Variants in ERC1 observed in about 807,000 individuals in gnomAD.
The protein encoded by ERC1 is RAB6 interacting protein 2.
A neutral mutation model predicts 132.0 loss-of-function variants in ERC1; 56 were observed. That is an observed-to-expected ratio of 0.42 (90% confidence interval 0.34 to 0.53). The LOEUF is 0.53. Among genes scored for constraint, ERC1 ranks in the 20% least tolerant of loss-of-function variants. ERC1 has a pLI of 0.03. For synonymous variants in ERC1, 478 were observed against 476.1 expected (o/e 1.00, Z -0.05); for missense variants, 1,202 against 1,349.9 (o/e 0.89, Z 1.72).
intron 2 of ERC1, among the ~76,000 whole-genome samples, chr12:1,041,072 A>G (rs973801719): frequency 2.0e-5 from 3 of 152,184 alleles, no homozygotes; most frequent in Admixed American, 6.5e-5. Flanking sequence ...TATGTAGGTT[A>G]TATCTACCAA....
intron 13 of ERC1, among the ~76,000 whole-genome samples, chr12:1,256,269 G>A (rs545696486): frequency 2.3e-5 from 3 of 131,374 alleles, no homozygotes; most frequent in Admixed American, 7.5e-5. Flanking sequence ...ATTAGACTCT[G>A]TTTTTGCCTT....
intron 12 of ERC1, among the ~76,000 whole-genome samples, chr12:1,233,306 A>G (rs11836500): frequency 0.053 from 8,077 of 151,972 alleles, 458 homozygotes; most frequent in African/African-American, 0.15. Flanking sequence ...CCCCTTCTCT[A>G]CTAAAAATAC....
Position 1,112,218 on chromosome 12 carries a change from G to A in ERC1, c.1321G>A (p.Glu441Lys). 23 of 1,608,116 alleles carry A rather than the reference G, an allele frequency of 1.4e-5. No individual in the cohort carries two copies. The highest frequency in any genetic ancestry group is 1.9e-5 in the Non-Finnish European group (22 of 1,175,288). ...SHSKFMKNKVEQLKEELSSKE... is the reference protein window; with the variant it reads ...SHSKFMKNKVKQLKEELSSKE... Reference sequence around the variant, plus strand: ...AAGAATAATAATGTCGTGACAGGTAGAACAACTGAAGGAGGAACTAAGTTC... The same window carrying A: ...AAGAATAATAATGTCGTGACAGGTAAAACAACTGAAGGAGGAACTAAGTTC... The change falls in exon 6 of 19, where the codon GAA becomes AAA. Residue 441 changes from glutamate (E) to lysine (K), a missense_variant. Glu to Lys is a moderately conservative substitution (Grantham distance 56). Coordinates refer to ENST00000360905, the MANE Select transcript of ERC1 (RefSeq NM_178040.4).
At chr12:1,441,639 GC>G (rs1431662575) in intron 17 of ERC1, among the ~76,000 whole-genome samples, 4 of 152,094 alleles carry the variant, frequency 2.6e-5, no homozygotes. Flanking sequence ...CCACAAACAT[GC>G]GCGTGTGCAC....
chr12:1,100,988 G>C (rs1944594880), intron 3 of ERC1, among the ~76,000 whole-genome samples: 1 of 152,122 alleles, frequency 6.6e-6, no homozygotes, highest in African/African-American at 2.4e-5. Flanking sequence ...TACCTTGAAA[G>C]CCAAGGAAAG....
chr12:1,196,039 A>T (rs902871896), intron 12 of ERC1, among the ~76,000 whole-genome samples: 54 of 152,220 alleles, frequency 3.5e-4, no homozygotes, highest in African/African-American at 1.2e-3. Flanking sequence ...ATCAAAAAAT[A>T]ATTTCCCTAG....
Position 1,110,357 on chromosome 12 carries a change from T to C in ERC1, c.1317+10T>C. The stretch of plus-strand genomic sequence containing the variant: ...ATTTATGAAAAATAAGGTAATGGCA[T>C]GTGAGACTTTTGATTCTTAAAAGGA... On this transcript the variant is annotated intron_variant, in intron 5 of 18. Transcript: ENST00000360905. 1 of 1,581,322 alleles carries C rather than the reference T, an allele frequency of 6.3e-7. No homozygotes were observed. Among genetic ancestry groups the C allele is most frequent in the South Asian group, 1.2e-5 (1 of 84,930 alleles).
At chr12:1,233,834 C>T (rs1332153335) in intron 12 of ERC1, among the ~76,000 whole-genome samples, 1 of 152,036 alleles carries the variant, frequency 6.6e-6, no homozygotes, top group Non-Finnish European at 1.5e-5. Flanking sequence ...ACAATAAGCA[C>T]AATGTATGGG....
intron 8 of ERC1, among the ~76,000 whole-genome samples, chr12:1,150,821 C>T (rs1345151634): frequency 6.6e-6 from 1 of 152,138 alleles, no homozygotes; most frequent in Non-Finnish European, 1.5e-5. Flanking sequence ...GAAACTGTCA[C>T]AGCCAAGAAG....
intron 2 of ERC1, among the ~76,000 whole-genome samples, chr12:1,056,486 A>G (rs1972993311): frequency 6.6e-6 from 1 of 152,160 alleles, no homozygotes; most frequent in Admixed American, 6.5e-5. Flanking sequence ...AAGGGGTTTT[A>G]TAGATAAGCT....
At chr12:1,325,028 C>G (rs1290610567) in intron 15 of ERC1, among the ~76,000 whole-genome samples, 1 of 152,028 alleles carries the variant, frequency 6.6e-6, no homozygotes, top group Non-Finnish European at 1.5e-5. Context: ...TTTAAAGTCT[C>G]TGAACTTTAA....
intron 15 of ERC1, among the ~76,000 whole-genome samples, chr12:1,298,542 C>CAAAAAAAAAAAAAAAAA (rs759796167): frequency 1.3e-5 from 1 of 74,798 alleles, no homozygotes; most frequent in African/African-American, 4.4e-5. Flanking sequence ...GACTCTGTCA[C>CAAAAAAAAAAAAAAAAA]AAAAAAAAAA....
intron 12 of ERC1, among the ~76,000 whole-genome samples, chr12:1,235,980 T>TA (rs1366496760): frequency 6.6e-6 from 1 of 152,058 alleles, no homozygotes; most frequent in Non-Finnish European, 1.5e-5. Context: ...TGGAGAAGAT[T>TA]AAAAGATACA....
chr12:1,471,125 C>G (rs1442520137), intron 18 of ERC1, among the ~76,000 whole-genome samples: 1 of 152,064 alleles, frequency 6.6e-6, no homozygotes, highest in Non-Finnish European at 1.5e-5. Context: ...GGTATAACAC[C>G]CACATCAAGA....
chr12:1,362,376 A>T (rs2086211910), intron 15 of ERC1, among the ~76,000 whole-genome samples: 1 of 152,150 alleles, frequency 6.6e-6, no homozygotes, highest in Non-Finnish European at 1.5e-5. Context: ...GGCACTCGCC[A>T]GCTCTGCCTT....
intron 1 of ERC1, among the ~76,000 whole-genome samples, chr12:1,017,007 A>AT (rs1965630255): frequency 2.1e-5 from 3 of 144,070 alleles, no homozygotes; most frequent in South Asian, 4.4e-4. Flanking sequence ...TTTATTTATT[A>AT]TTTTTTTGAG....
Position 1,272,946 on chromosome 12 carries a change from TAAAA to T in ERC1, c.2619+9804_2619+9807del, listed in dbSNP as rs56750908. ...CTCAGTGATAGAGTGAGACTCCGTCTAAAAAAAAAAAAAAAAAAAAAAAAAACCT... is the reference window on the plus strand; with the variant it reads ...CTCAGTGATAGAGTGAGACTCCGTCTAAAAAAAAAAAAAAAAAAAAAACCT... On this transcript the variant is annotated intron_variant, in intron 14 of 18. Transcript: ENST00000360905. Among the ~76,000 whole-genome samples the T allele has an allele frequency of 2.3e-3, 200 of 87,766 alleles. 1 individual carries two copies. The highest frequency in any genetic ancestry group is 7.6e-3 in the Admixed American group (57 of 7,514). The allele number at this position is 87,766 out of a possible 152,430, so 57.6% of individuals were successfully genotyped here.
chr12:1,008,060 A>G (rs1485399242), intron 1 of ERC1, among the ~76,000 whole-genome samples: 2 of 152,160 alleles, frequency 1.3e-5, no homozygotes, highest in Non-Finnish European at 2.9e-5. Context: ...GTCTCCTAAG[A>G]ACTTTGGTTC....
At chr12:1,445,734 G>A (rs1592115729) in intron 18 of ERC1, among the ~76,000 whole-genome samples, 1 of 152,278 alleles carries the variant, frequency 6.6e-6, no homozygotes, top group Admixed American at 6.5e-5. Context: ...TCAAGTATCC[G>A]AAAGGGCTGA....
Sources: allele counts gnomAD v4.1 joint callset (sites outside exome capture counted in the v4.1 genomes callset), GRCh38; gene constraint gnomAD v4.1.1; transcripts MANE v1.5; gene names NCBI Gene and HGNC (gene_info 2026-07-23, HGNC 2026-07-21).